Variants in DLG2 observed in about 807,000 individuals in gnomAD.
The protein encoded by DLG2 is discs large MAGUK scaffold protein 2.
A neutral mutation model predicts 132.5 loss-of-function variants in DLG2; 45 were observed. The ratio of observed to expected loss-of-function variants is 0.34; its 90% CI spans 0.27 to 0.44. The LOEUF is 0.44. DLG2 is among the 20% of genes least tolerant of loss of function. DLG2 has a pLI of 1.00. For synonymous variants in DLG2, 424 were observed against 419.6 expected (o/e 1.01, Z -0.13); for missense variants, 1,045 against 1,196.9 (o/e 0.87, Z 1.87).
intron 17 of DLG2, among the ~76,000 whole-genome samples, chr11:83,802,511 G>A (rs962749498): frequency 6.6e-6 from 1 of 152,068 alleles, no homozygotes; most frequent in Non-Finnish European, 1.5e-5. Flanking sequence ...GAAATCAGTG[G>A]ACTAACTGAA....
chr11:84,815,790 T>G (rs920931982), intron 6 of DLG2, among the ~76,000 whole-genome samples: 1 of 152,004 alleles, frequency 6.6e-6, no homozygotes, highest in Non-Finnish European at 1.5e-5. Flanking sequence ...GAGGAATGCA[T>G]AAAATGGGTT....
chr11:84,959,328 T>C (rs570601712), intron 6 of DLG2, among the ~76,000 whole-genome samples: 1 of 152,324 alleles, frequency 6.6e-6, no homozygotes, highest in African/African-American at 2.4e-5. Context: ...GTATAATAAT[T>C]ACTTAATGCT....
chr11:84,721,002 C>G (rs2061769781), intron 6 of DLG2: 1 of 152,258 alleles, frequency 6.6e-6, no homozygotes, highest in Admixed American at 6.5e-5. Flanking sequence ...ACTGGCCCTG[C>G]CTTTGGGCGC....
At chr11:85,568,371 G>A (rs2077651989) in intron 3 of DLG2, among the ~76,000 whole-genome samples, 1 of 152,008 alleles carries the variant, frequency 6.6e-6, no homozygotes, top group Admixed American at 6.6e-5. Flanking sequence ...ATTCATAAGG[G>A]ATGTTGGTCT....
intron 6 of DLG2, among the ~76,000 whole-genome samples, chr11:84,863,934 A>T (rs2084155181): frequency 1.3e-5 from 2 of 152,132 alleles, no homozygotes; most frequent in African/African-American, 2.4e-5. Context: ...TTGAGTTTTT[A>T]AAAAAATACT....
intron 6 of DLG2, among the ~76,000 whole-genome samples, chr11:84,558,898 T>G (rs757732783): frequency 6.6e-6 from 1 of 152,190 alleles, no homozygotes; most frequent in Non-Finnish European, 1.5e-5. Context: ...CAGGGTCTCC[T>G]CCAGCAGTTA....
chr11:83,810,539 ATTTT>A (rs1334168713), intron 17 of DLG2, among the ~76,000 whole-genome samples: 1 of 152,042 alleles, frequency 6.6e-6, no homozygotes, highest in Admixed American at 6.6e-5. Flanking sequence ...TAGCTTTGGA[ATTTT>A]GTACTTTAGT....
At chr11:84,859,269 T>C (rs1294045103) in intron 6 of DLG2, among the ~76,000 whole-genome samples, 1 of 149,574 alleles carries the variant, frequency 6.7e-6, no homozygotes, top group Non-Finnish European at 1.5e-5. Flanking sequence ...ATATACATGT[T>C]TTATATATGT....
intron 6 of DLG2, among the ~76,000 whole-genome samples, chr11:84,868,330 A>AAGTAAATT (rs1293850534): frequency 3.3e-5 from 5 of 151,888 alleles, no homozygotes; most frequent in Non-Finnish European, 5.9e-5. Flanking sequence ...ATAAGTAAAT[A>AAGTAAATT]AGCCTTTTTA....
chr11:85,226,332 T>C (rs2074975839), intron 4 of DLG2, among the ~76,000 whole-genome samples: 1 of 151,962 alleles, frequency 6.6e-6, no homozygotes, highest in Middle Eastern at 3.2e-3. Flanking sequence ...GAGAAAGCTA[T>C]AAGACAAACC....
chr11:84,666,347 C>T (rs12363164), intron 6 of DLG2, among the ~76,000 whole-genome samples: 10,785 of 152,216 alleles, frequency 0.071, 491 homozygotes, highest in South Asian at 0.18. Context: ...CTTGTTACTA[C>T]TACAGCAGCT....
At chr11:83,510,079 G>A (rs2094927235) in intron 21 of DLG2, among the ~76,000 whole-genome samples, 1 of 152,148 alleles carries the variant, frequency 6.6e-6, no homozygotes, top group South Asian at 2.1e-4. Context: ...GTGAGCTTAG[G>A]AAAGTCACTT....
rs373345150 is a variant in DLG2 at position 85,580,208 on chromosome 11, TAA to T, written c.40+18447_40+18448del. Among the ~76,000 whole-genome samples, 651 of 152,276 alleles carry T rather than the reference TAA, an allele frequency of 4.3e-3. 2 individuals are homozygous for T. The highest frequency in any genetic ancestry group is 6.0e-3 in the Non-Finnish European group (406 of 68,018). ...CAGCCACATGGAACTGTAAGTCCAT[TAA>T]ACCCTTTTTTCTTCCCAGTCTCAGG... On this transcript the variant is annotated intron_variant, in intron 3 of 27. Coordinates refer to ENST00000376104, the MANE Select transcript of DLG2 (RefSeq NM_001142699.3).
intron 6 of DLG2, among the ~76,000 whole-genome samples, chr11:84,611,574 A>G (rs894272825): frequency 3.3e-5 from 5 of 152,234 alleles, no homozygotes; most frequent in Non-Finnish European, 7.4e-5. Flanking sequence ...CCTCTATGCT[A>G]CTATTTTTAT....
intron 14 of DLG2, among the ~76,000 whole-genome samples, chr11:83,939,680 A>C (rs1459485106): frequency 6.6e-6 from 1 of 151,008 alleles, no homozygotes; most frequent in Non-Finnish European, 1.5e-5. Flanking sequence ...AAATCTGATA[A>C]AGCTTTGGGT....
At chr11:85,085,087 C>A (rs1236562372) in intron 6 of DLG2, among the ~76,000 whole-genome samples, 2 of 152,096 alleles carry the variant, frequency 1.3e-5, no homozygotes, top group Non-Finnish European at 2.9e-5. Flanking sequence ...TTTTCACAAT[C>A]ATGCTTATAC....
At chr11:83,662,755 T>C (rs904152509) in intron 18 of DLG2, among the ~76,000 whole-genome samples, 1 of 152,212 alleles carries the variant, frequency 6.6e-6, no homozygotes. Context: ...GAGAACTATA[T>C]GCTCAGAACC....
At chr11:84,880,527 A>T (rs911641115) in intron 6 of DLG2, among the ~76,000 whole-genome samples, 1 of 152,092 alleles carries the variant, frequency 6.6e-6, no homozygotes, top group African/African-American at 2.4e-5. Context: ...AATAAATATA[A>T]AATAATTAAA....
Position 83,930,455 on chromosome 11 carries a change from T to C in DLG2, c.1369A>G (p.Asn457Asp), listed in dbSNP as rs753399420. Residue 457 changes from asparagine to aspartate, a missense_variant, in exon 15 of 28, where the codon AAC becomes GAC. This residue lies in a region of DLG2 where 261 missense variants were observed against 256.1 expected (regional missense o/e 1.02). Coordinates refer to ENST00000376104, the MANE Select transcript of DLG2 (RefSeq NM_001142699.3). ...GAAGCAGGCTTATCACATAGTTTGT[T>C]CACAGTGCTGTAAACAGGTTCCGGA... is the stretch of plus-strand genomic sequence containing the variant. Reference protein sequence around the residue: ...RPPEPVYSTVNKLCDKPASPR... With the variant: ...RPPEPVYSTVDKLCDKPASPR... 1 of 1,614,066 alleles carries C rather than the reference T, an allele frequency of 6.2e-7. No homozygotes were observed. Among genetic ancestry groups the C allele is most frequent in the Non-Finnish European group, 8.5e-7 (1 of 1,179,940 alleles).
Sources: allele counts gnomAD v4.1 joint callset (sites outside exome capture counted in the v4.1 genomes callset), GRCh38; gene constraint gnomAD v4.1.1; regional missense constraint gnomAD v4.1.1; transcripts MANE v1.5; gene names NCBI Gene and HGNC (gene_info 2026-07-23, HGNC 2026-07-21).